MTHFD2: variants seen among roughly 807,000 people sequenced by gnomAD.
MTHFD2 encodes the protein methylenetetrahydrofolate dehydrogenase (NADP+ dependent) 2, methenyltetrahydrofolate cyclohydrolase.
In MTHFD2, 26 loss-of-function variants were observed where a neutral mutation model predicts 36.8. That is an observed-to-expected ratio of 0.71 (90% CI 0.52 to 0.98). The LOEUF is 0.98. MTHFD2 is among the 50% of genes least tolerant of loss of function. The probability of loss-of-function intolerance (pLI) is 0.00; values close to 1 mark genes in which losing one functional copy is unlikely to be tolerated. For synonymous variants in MTHFD2, 164 were observed against 155.2 expected (o/e 1.06, Z -0.42); for missense variants, 373 against 434.0 (o/e 0.86, Z 1.25).
At chr2:74,199,129 G>T (rs1693977913) in intron 1 of MTHFD2, among the ~76,000 whole-genome samples, 1 of 152,246 alleles carries the variant, frequency 6.6e-6, no homozygotes, top group African/African-American at 2.4e-5. Context: ...GTCGTCTGGG[G>T]GAGAACAGGC....
intron 3 of MTHFD2, 39 bp from the exon 4 acceptor site, chr2:74,208,530 G>T: frequency 6.2e-7 from 1 of 1,605,168 alleles, no homozygotes; most frequent in Non-Finnish European, 8.5e-7. Flanking sequence ...CTGACTATGC[G>T]GTGGTGATTT....
chr2:74,211,950 T>A, intron 7 of MTHFD2, 84 bp downstream of exon 7: 2 of 1,098,744 alleles, frequency 1.8e-6, no homozygotes, highest in Non-Finnish European at 2.4e-6. Context: ...TTTACTTTTT[T>A]TTTTTTTTTT....
chr2:74,205,685 G>T lies in MTHFD2; in HGVS notation c.102-20G>T. On this transcript the variant is annotated intron_variant, in intron 1 of 7. Coordinates refer to ENST00000394053, the MANE Select transcript of MTHFD2 (RefSeq NM_006636.4). ...AAAAATTCAAGTTATTTGGTTTTGT[G>T]ACTCTGTTGCCTTCTGCAGAAATGA... 2 of 1,610,708 alleles carry T rather than the reference G, an allele frequency of 1.2e-6. No homozygotes were observed. The highest frequency in any genetic ancestry group is 2.2e-5 in the South Asian group (2 of 90,828).
At chr2:74,201,707 T>C (rs1480300059) in intron 1 of MTHFD2, among the ~76,000 whole-genome samples, 1 of 152,250 alleles carries the variant, frequency 6.6e-6, no homozygotes, top group African/African-American at 2.4e-5. Flanking sequence ...CTAATATAGT[T>C]ACAATTTTGG....
Position 74,208,682 on chromosome 2 carries a change from G to C in MTHFD2, c.523G>C (p.Ala175Pro), listed in dbSNP as rs1339679925. ...TTTGGATCAGTATTCCATGTTACCG[G>C]CTACTCCATGGGGTGTGTGGGAAAT... ...MCLDQYSMLPATPWGVWEIIK... is the reference protein window; with the variant it reads ...MCLDQYSMLPPTPWGVWEIIK... The change falls in exon 4 of 8, where the codon GCT becomes CCT. Residue 175 changes from alanine (A) to proline (P), a missense_variant. Physicochemically the swap from Ala to Pro is conservative, Grantham distance 27. This residue lies in a region of MTHFD2 where 308 missense variants were observed against 397.8 expected (regional missense o/e 0.77). Transcript: ENST00000394053. 1.2e-6 allele frequency: 2 copies of C among 1,614,134 alleles called. No individual in the cohort carries two copies. The highest frequency in any genetic ancestry group is 1.7e-5 in the Admixed American group (1 of 60,016).
Position 74,211,823 on chromosome 2 carries a change from T to C in MTHFD2, c.846T>C (p.Pro282=). 2.5e-6 allele frequency: 4 copies of C among 1,611,592 alleles called. No homozygotes were observed. In the African/African-American group the frequency reaches 4.0e-5, roughly 16 times the overall value. ...TGGGAATAAATAGAGTTCACGATCC[T>C]GTAACTGCCAAACCCAAGTTGGTTG... ...IDVGINRVHD[P]VTAKPKLVGD... is the part of the protein sequence containing the mutation. Residue 282 remains proline (P), a synonymous_variant, in exon 7 of 8, where the codon CCT becomes CCC. Transcript: ENST00000394053.
Position 74,210,016 on chromosome 2 carries a change from C to A in MTHFD2, c.637C>A (p.Leu213Met), listed in dbSNP as rs780440987. ...KNVGMPIAML[L>M]HTDGAHERPG... ...CGTTGGAATGCCCATTGCAATGTTACTGCACACAGATGGGGCGCATGAACG... is the reference window on the plus strand; with the variant it reads ...CGTTGGAATGCCCATTGCAATGTTAATGCACACAGATGGGGCGCATGAACG... Residue 213 changes from leucine (L) to methionine (M), a missense_variant, in exon 5 of 8, where the codon CTG (leucine) becomes ATG (methionine). By Grantham distance (15) the Leu-to-Met change is conservative. This residue lies in a region of MTHFD2 where 308 missense variants were observed against 397.8 expected (regional missense o/e 0.77). Coordinates refer to ENST00000394053, the MANE Select transcript of MTHFD2 (RefSeq NM_006636.4). 1 of 1,613,712 alleles carries A rather than the reference C, an allele frequency of 6.2e-7. No homozygotes were observed.
At chr2:74,208,847 A>C in intron 4 of MTHFD2, 126 bp downstream of exon 4, 1 of 977,866 alleles carries the variant, frequency 1.0e-6, no homozygotes, top group East Asian at 2.6e-5. Context: ...TACTCCCCAA[A>C]GTTTACCTCT....
intron 1 of MTHFD2, among the ~76,000 whole-genome samples, chr2:74,202,105 C>A (rs1353896577): frequency 6.6e-6 from 1 of 152,042 alleles, no homozygotes; most frequent in Non-Finnish European, 1.5e-5. Flanking sequence ...ACCATTTTCT[C>A]TAAGTTTACT....
chr2:74,203,886 G>GTTTAA (rs1694106956), intron 1 of MTHFD2, among the ~76,000 whole-genome samples: 1 of 32,330 alleles, frequency 3.1e-5, no homozygotes, highest in African/African-American at 2.1e-4. Context: ...GTTTAGTTTA[G>GTTTAA]TTTAGTTTAG....
intron 4 of MTHFD2, 97 bp downstream of exon 4, chr2:74,208,818 A>C: frequency 7.9e-7 from 1 of 1,260,872 alleles, no homozygotes; most frequent in Non-Finnish European, 1.1e-6. Context: ...TGGAAACCCT[A>C]CTGCATATCC....
At chr2:74,213,270 C>CTTTTTTTTTTTTTTTTT (rs10638050) in intron 7 of MTHFD2, among the ~76,000 whole-genome samples, 7 of 76,030 alleles carry the variant, frequency 9.2e-5, no homozygotes, top group Admixed American at 1.9e-4. Flanking sequence ...TTTTTCTTTC[C>CTTTTTTTTTTTTTTTTT]TTTTTTTTTT....
In MTHFD2 at chr2:74,205,769, G is replaced by T; in HGVS notation, c.166G>T (p.Glu56Ter). The change falls in exon 2 of 8, where the codon GAG becomes TAG. Residue 56 changes from glutamate to a stop codon, truncating the protein, a stop_gained. Coordinates refer to ENST00000394053, the MANE Select transcript of MTHFD2 (RefSeq NM_006636.4). LOFTEE classifies it high-confidence loss of function. ...AQQIKQEVRQEVEEWVASGNK... is the reference protein window; with the variant it reads ...AQQIKQEVRQ ...GCAGATCAAGCAGGAAGTGCGGCAG[G>T]AGGTAGAAGAGTGGGTGGCCTCAGG... The T allele has an allele frequency of 6.2e-7, 1 of 1,613,888 alleles. No homozygotes were observed. The highest frequency in any genetic ancestry group is 8.5e-7 in the Non-Finnish European group (1 of 1,180,004).
At chr2:74,202,650 C>T (rs1694066945) in intron 1 of MTHFD2, among the ~76,000 whole-genome samples, 1 of 152,106 alleles carries the variant, frequency 6.6e-6, no homozygotes, top group African/African-American at 2.4e-5. Flanking sequence ...CCTCAGCCTC[C>T]CAAGTAGCTG....
Position 74,198,631 on chromosome 2 carries a change from C to T in MTHFD2, c.-11C>T. On this transcript the variant is annotated 5_prime_UTR_variant, in exon 1 of 8. Coordinates refer to ENST00000394053, the MANE Select transcript of MTHFD2 (RefSeq NM_006636.4). ...CGCGCTTCCCTCCCGGCGCAGTCAC[C>T]GGCGCGGTCTATGGCTGCGACTTCT... The T allele has an allele frequency of 1.3e-6, 2 of 1,595,224 alleles. No homozygotes were observed. The highest frequency in any genetic ancestry group is 1.1e-5 in the South Asian group (1 of 89,060).
At chr2:74,198,818 G>A in intron 1 of MTHFD2, 76 bp downstream of exon 1, 2 of 1,307,146 alleles carry the variant, frequency 1.5e-6, no homozygotes, top group Middle Eastern at 4.3e-4. Flanking sequence ...GGGCCCCCGA[G>A]GGACACCGAG....
chr2:74,210,110 C>T, intron 5 of MTHFD2, 61 bp downstream of exon 5: 5 of 1,346,844 alleles, frequency 3.7e-6, no homozygotes, highest in Non-Finnish European at 3.1e-6. Flanking sequence ...CTTTCAGAAG[C>T]CATCCTGTGC....
chr2:74,213,529 C>T (rs1323143174), intron 7 of MTHFD2, among the ~76,000 whole-genome samples: 1 of 152,064 alleles, frequency 6.6e-6, no homozygotes, highest in African/African-American at 2.4e-5. Context: ...TCCCCCACCT[C>T]ACACCCTGCC....
At chr2:74,204,513 C>T (rs1354920587) in intron 1 of MTHFD2, among the ~76,000 whole-genome samples, 1 of 152,162 alleles carries the variant, frequency 6.6e-6, no homozygotes, top group Non-Finnish European at 1.5e-5. Context: ...TTCTGTGGTT[C>T]TAGTTTGAAC....
Sources: allele counts gnomAD v4.1 joint callset (sites outside exome capture counted in the v4.1 genomes callset), GRCh38; gene constraint gnomAD v4.1.1; regional missense constraint gnomAD v4.1.1; transcripts MANE v1.5; gene names NCBI Gene and HGNC (gene_info 2026-07-23, HGNC 2026-07-21).